Variants in IFNG-AS1 observed in about 807,000 individuals in gnomAD.
The protein encoded by IFNG-AS1 is IFNG antisense RNA 1 (non-protein coding).
chr12:68,009,723 C>G (rs189340869), intron 3 of IFNG-AS1, among the ~76,000 whole-genome samples: 1 of 152,268 alleles, frequency 6.6e-6, no homozygotes, highest in Admixed American at 6.5e-5. Context: ...AACTGGGCAG[C>G]TCTCCTCCAT....
intron 1 of IFNG-AS1, among the ~76,000 whole-genome samples, chr12:67,993,557 T>G (rs985053623): frequency 6.6e-6 from 1 of 152,222 alleles, no homozygotes; most frequent in African/African-American, 2.4e-5. Flanking sequence ...AAAAGAAATA[T>G]ACCAAAATGC....
At chr12:68,020,720 A>G (rs1880266313) in intron 4 of IFNG-AS1, 1 of 152,184 alleles carries the variant, frequency 6.6e-6, no homozygotes, top group African/African-American at 2.4e-5. Flanking sequence ...GTTTTCGTTG[A>G]ATCAACTCTT....
chr12:67,991,287 G>A (rs1459225937), intron 1 of IFNG-AS1, among the ~76,000 whole-genome samples: 1 of 152,250 alleles, frequency 6.6e-6, no homozygotes, highest in Non-Finnish European at 1.5e-5. Flanking sequence ...CACATGCTAA[G>A]TGGCAGATGA....
chr12:68,018,889 A>G lies in IFNG-AS1; in HGVS notation n.242-973A>G, dbSNP rs866241955. ...CAAACCCCAGTAATGTTACAAGCAC[A>G]GTGACCTATCCCAGAGCAACTTTTT... On this transcript the variant is annotated intron_variant and non_coding_transcript_variant, in intron 3 of 5. Coordinates refer to ENST00000536914, the Ensembl canonical transcript of IFNG-AS1. 3.3e-5 allele frequency among the ~76,000 whole-genome samples: 5 copies of G among 152,248 alleles called. No individual in the cohort carries two copies. The South Asian group carries it at 1.0e-3, about 32-fold the overall frequency.
chr12:68,018,400 T>C (rs760173996), intron 3 of IFNG-AS1, among the ~76,000 whole-genome samples: 6 of 152,162 alleles, frequency 3.9e-5, no homozygotes, highest in Non-Finnish European at 7.3e-5. Context: ...AATCTAAGCC[T>C]CTTGCTTAAT....
At chr12:68,004,956 C>A (rs1487927986) in intron 2 of IFNG-AS1, among the ~76,000 whole-genome samples, 2 of 152,134 alleles carry the variant, frequency 1.3e-5, no homozygotes, top group Admixed American at 1.3e-4. Flanking sequence ...CTTTCTAACA[C>A]CTGTAAGGGA....
Position 68,010,125 on chromosome 12 carries a change from C to G in IFNG-AS1, n.241+3979C>G, listed in dbSNP as rs554716174. Among the ~76,000 whole-genome samples, 6 of 152,282 alleles carry G rather than the reference C, an allele frequency of 3.9e-5. No homozygotes were observed. The East Asian group carries it at 1.2e-3, about 29-fold the overall frequency. On this transcript the variant is annotated intron_variant and non_coding_transcript_variant, in intron 3 of 5. Transcript: ENST00000536914. The stretch of plus-strand genomic sequence containing the variant: ...GGAATAGGACCTAAGCTTTATGGTG[C>G]TAATCATTTGAAGCAAGTGAAACCA...
intron 1 of IFNG-AS1, among the ~76,000 whole-genome samples, chr12:67,992,996 A>G (rs1879551286): frequency 6.6e-6 from 1 of 152,210 alleles, no homozygotes; most frequent in African/African-American, 2.4e-5. Flanking sequence ...GCTTGACTTA[A>G]GAAAATGAAG....
chr12:68,004,054 T>C (rs1879850627), intron 2 of IFNG-AS1, among the ~76,000 whole-genome samples: 1 of 152,004 alleles, frequency 6.6e-6, no homozygotes, highest in Non-Finnish European at 1.5e-5. Flanking sequence ...GGATCTGGAT[T>C]GCAGTTGAAG....
At chr12:68,012,385 G>T (rs1412974140) in intron 3 of IFNG-AS1, among the ~76,000 whole-genome samples, 1 of 152,250 alleles carries the variant, frequency 6.6e-6, no homozygotes, top group African/African-American at 2.4e-5. Context: ...GACAGCCACT[G>T]GTCAGGAAAG....
intron 2 of IFNG-AS1, among the ~76,000 whole-genome samples, chr12:68,002,913 T>C (rs1445714473): frequency 6.6e-6 from 1 of 152,204 alleles, no homozygotes; most frequent in Non-Finnish European, 1.5e-5. Context: ...TCTAAGTAGG[T>C]AAAAGTAAAC....
chr12:67,991,901 T>G (rs1879522226), intron 1 of IFNG-AS1, among the ~76,000 whole-genome samples: 1 of 152,232 alleles, frequency 6.6e-6, no homozygotes. Context: ...AATGAAATAA[T>G]AAGTGTCCAT....
At chr12:68,012,541 T>C (rs1880056417) in intron 3 of IFNG-AS1, among the ~76,000 whole-genome samples, 1 of 152,200 alleles carries the variant, frequency 6.6e-6, no homozygotes, top group South Asian at 2.1e-4. Context: ...GCAACCAGCT[T>C]CCTTCTCCCA....
chr12:68,000,772 C>G (rs767936045), intron 2 of IFNG-AS1, among the ~76,000 whole-genome samples: 3 of 152,072 alleles, frequency 2.0e-5, no homozygotes, highest in Non-Finnish European at 4.4e-5. Flanking sequence ...TGCTCTGACC[C>G]ATTGTTTTAT....
chr12:68,020,238 G>A (rs1363719865), intron 4 of IFNG-AS1: 1 of 152,080 alleles, frequency 6.6e-6, no homozygotes, highest in Non-Finnish European at 1.5e-5. Context: ...CATGACATGT[G>A]ACATGTTGAA....
intron 3 of IFNG-AS1, among the ~76,000 whole-genome samples, chr12:68,017,619 G>C (rs867030696): frequency 6.6e-6 from 1 of 152,270 alleles, no homozygotes. Flanking sequence ...TTTTGGTGGA[G>C]CCATTTACCA....
chr12:67,993,847 T>C (rs1232115123), intron 1 of IFNG-AS1, among the ~76,000 whole-genome samples: 1 of 152,228 alleles, frequency 6.6e-6, no homozygotes, highest in Non-Finnish European at 1.5e-5. Context: ...GAGTTGAACA[T>C]AGGTTTGGGA....
chr12:68,010,950 A>T (rs1306977278), intron 3 of IFNG-AS1, among the ~76,000 whole-genome samples: 2 of 152,248 alleles, frequency 1.3e-5, no homozygotes, highest in East Asian at 3.9e-4. Flanking sequence ...CTGTGTTCCT[A>T]GTTCTCTGTC....
At chr12:67,999,963 C>T (rs922385056) in intron 2 of IFNG-AS1, among the ~76,000 whole-genome samples, 15 of 152,300 alleles carry the variant, frequency 9.8e-5, no homozygotes, top group Admixed American at 9.8e-4. Flanking sequence ...CCCACAATAT[C>T]GCTTCTGTGG....
Sources: allele counts gnomAD v4.1 joint callset (sites outside exome capture counted in the v4.1 genomes callset), GRCh38; gene constraint gnomAD v4.1.1; transcripts MANE v1.5; gene names NCBI Gene and HGNC (gene_info 2026-07-23, HGNC 2026-07-21).